The following NFAT5 variants were observed in gnomAD, a reference collection of about 807,000 sequenced individuals.
NFAT5 encodes the protein nuclear factor of activated T-cells 5.
NFAT5 carries 31 observed loss-of-function variants against 166.5 expected under a neutral mutation model. That is an observed-to-expected ratio of 0.19 (90% CI 0.14 to 0.25). The LOEUF (loss-of-function observed/expected upper bound fraction) is 0.25, where lower values mean the gene tolerates loss of function less well. Among genes scored for constraint, NFAT5 ranks in the 10% least tolerant of loss-of-function variants. NFAT5 has a pLI of 1.00. For synonymous variants in NFAT5, 612 were observed against 639.7 expected, an observed-to-expected ratio of 0.96 and a Z score of 0.65; for missense variants, 1,449 against 1,821.8, an observed-to-expected ratio of 0.80 and a Z score of 3.72.
At chr16:69,674,249 A>G (rs1478268779) in intron 9 of NFAT5, among the ~76,000 whole-genome samples, 1 of 151,642 alleles carries the variant, frequency 6.6e-6, no homozygotes. Flanking sequence ...CTCAAAAAAA[A>G]AAAAAAAAAA....
In NFAT5 at chr16:69,626,339, A is replaced by C. The variant is rs575850506; in HGVS notation, c.128-64A>C. The C allele has an allele frequency of 7.0e-6, 10 of 1,430,412 alleles. No homozygotes were observed. In the East Asian group the frequency reaches 2.0e-4, roughly 28 times the overall value. The allele number at this position is 1,430,412 out of a possible 1,614,324, so 88.6% of individuals were successfully genotyped here. On this transcript the variant is annotated intron_variant, in intron 2 of 14. Transcript: ENST00000349945. ...GAGAAAAGACATACTCATTTTGTGC[A>C]TATTAGATTGTTGACTGAATCTCTT...
In NFAT5 at chr16:69,692,867, A is replaced by C. The variant is rs759482158; in HGVS notation, c.3042A>C (p.Gln1014His). The C allele has an allele frequency of 1.1e-5, 17 of 1,614,130 alleles. No individual in the cohort carries two copies. Among genetic ancestry groups the C allele is most frequent in the Non-Finnish European group, 1.4e-5 (17 of 1,180,054 alleles). ...GAGATGGAGAAGAAACTGGAACACAAGCAAAACAGATTCAGAACAGTGTCT... is the reference window on the plus strand; with the variant it reads ...GAGATGGAGAAGAAACTGGAACACACGCAAAACAGATTCAGAACAGTGTCT... ...SSGDGEETGT[Q>H]AKQIQNSVFQ... Residue 1014 changes from glutamine (Q) to histidine (H), a missense_variant, in exon 13 of 15, where the codon CAA becomes CAC. Gln to His is a conservative substitution (Grantham distance 24). Coordinates refer to ENST00000349945, the MANE Select transcript of NFAT5 (RefSeq NM_138713.4).
chr16:69,570,422 C>T (rs898669112), intron 2 of NFAT5, among the ~76,000 whole-genome samples: 19 of 151,984 alleles, frequency 1.3e-4, no homozygotes, highest in Admixed American at 3.9e-4. Context: ...TACCCATCAC[C>T]ACAGTTTAAC....
intron 2 of NFAT5, among the ~76,000 whole-genome samples, chr16:69,596,959 G>GTCCC (rs2032832371): frequency 6.6e-6 from 1 of 152,110 alleles, no homozygotes; most frequent in Non-Finnish European, 1.5e-5. Flanking sequence ...ACAAAGAGGA[G>GTCCC]TCCCTGTGTG....
intron 2 of NFAT5, among the ~76,000 whole-genome samples, chr16:69,570,868 A>T (rs760346137): frequency 2.1e-4 from 32 of 152,232 alleles, no homozygotes; most frequent in Non-Finnish European, 3.8e-4. Flanking sequence ...TCATCTTTAA[A>T]CGGGAGCAAT....
intron 7 of NFAT5, among the ~76,000 whole-genome samples, chr16:69,663,904 A>G (rs2036253140): frequency 6.6e-6 from 1 of 151,990 alleles, no homozygotes; most frequent in South Asian, 2.1e-4. Flanking sequence ...AAAAAGAAAA[A>G]ATTTTCATAT....
intron 11 of NFAT5, 44 bp downstream of exon 11, chr16:69,685,014 GTA>G (rs2037230041): frequency 7.3e-7 from 1 of 1,366,786 alleles, no homozygotes; most frequent in Non-Finnish European, 1.0e-6. Context: ...GGGTGCTCCT[GTA>G]TGTTTTCTCT....
chr16:69,610,550 C>T (rs2033660309), intron 2 of NFAT5, among the ~76,000 whole-genome samples: 1 of 152,144 alleles, frequency 6.6e-6, no homozygotes, highest in African/African-American at 2.4e-5. Flanking sequence ...TTCCTAACCT[C>T]AGTGTTACTC....
At chr16:69,579,346 A>C (rs997884641) in intron 2 of NFAT5, among the ~76,000 whole-genome samples, 2 of 152,180 alleles carry the variant, frequency 1.3e-5, no homozygotes, top group Non-Finnish European at 2.9e-5. Context: ...TCATTTTCTT[A>C]GTGAATTTTT....
chr16:69,612,535 C>A (rs749801028), intron 2 of NFAT5, among the ~76,000 whole-genome samples: 2 of 152,082 alleles, frequency 1.3e-5, no homozygotes, highest in Non-Finnish European at 2.9e-5. Context: ...TTTTTAAAAG[C>A]AAGCAATAAC....
At chr16:69,667,616 T>C (rs997854827) in intron 7 of NFAT5, among the ~76,000 whole-genome samples, 1 of 151,992 alleles carries the variant, frequency 6.6e-6, no homozygotes, top group African/African-American at 2.4e-5. Context: ...CTTTAACAAA[T>C]AAATTTAAAA....
intron 2 of NFAT5, among the ~76,000 whole-genome samples, chr16:69,590,251 T>A (rs1025912725): frequency 2.6e-5 from 4 of 152,196 alleles, no homozygotes; most frequent in Admixed American, 6.5e-5. Flanking sequence ...GTCCTGAGTA[T>A]CAGGTGACTA....
chr16:69,587,642 G>A (rs1227148075), intron 2 of NFAT5, among the ~76,000 whole-genome samples: 9 of 152,088 alleles, frequency 5.9e-5, no homozygotes, highest in South Asian at 4.2e-4. Flanking sequence ...GCCCACCTCC[G>A]GCTCCTAAAG....
intron 2 of NFAT5, among the ~76,000 whole-genome samples, chr16:69,603,869 T>G (rs1031504819): frequency 2.6e-5 from 4 of 152,208 alleles, no homozygotes; most frequent in African/African-American, 9.6e-5. Flanking sequence ...TTTGAACAAT[T>G]TCCTTGCCAG....
chr16:69,582,308 C>T lies in NFAT5; in HGVS notation c.127+13760C>T, dbSNP rs545334648. ...ATAAAATAAAATAAAATTGGGTTGT[C>T]GTCTTATTCTTGAATTGTAAGGGGG... On this transcript the variant is annotated intron_variant, in intron 2 of 14. Transcript: ENST00000349945. Among the ~76,000 whole-genome samples the T allele has an allele frequency of 8.6e-5, 13 of 151,906 alleles. No homozygotes were observed. In the South Asian group the frequency reaches 2.1e-3, roughly 24 times the overall value.
intron 7 of NFAT5, among the ~76,000 whole-genome samples, chr16:69,666,488 A>G (rs1434816143): frequency 1.3e-5 from 2 of 152,038 alleles, no homozygotes; most frequent in Non-Finnish European, 2.9e-5. Context: ...AAAACAAACA[A>G]CCCCATCAAC....
At chr16:69,694,308 G>T (rs770816158) in intron 13 of NFAT5, 69 bp downstream of exon 13, 84 of 1,244,136 alleles carry the variant, frequency 6.8e-5, no homozygotes, top group Non-Finnish European at 8.7e-5. Flanking sequence ...GAGTGCAGTG[G>T]TGCGATCTCA....
chr16:69,637,923 C>G (rs1470144023), intron 3 of NFAT5, among the ~76,000 whole-genome samples: 1 of 151,938 alleles, frequency 6.6e-6, no homozygotes, highest in Non-Finnish European at 1.5e-5. Context: ...GGTTAATGAT[C>G]AAAACTTCTG....
chr16:69,645,567 T>C (rs1215681174), intron 3 of NFAT5, among the ~76,000 whole-genome samples: 1 of 152,204 alleles, frequency 6.6e-6, no homozygotes, highest in Non-Finnish European at 1.5e-5. Flanking sequence ...AAAACAGATC[T>C]TTGGCACTTG....
Sources: gnomAD v4.1 joint callset for allele counts (sites outside exome capture counted in the v4.1 genomes callset) on GRCh38, gnomAD v4.1.1 for gene constraint, MANE v1.5 for transcripts, NCBI Gene and HGNC (gene_info 2026-07-23, HGNC 2026-07-21) for gene names.